PDE12: variants seen among roughly 807,000 people sequenced by gnomAD.
The protein encoded by PDE12 is phosphodiesterase 12.
A neutral mutation model predicts 45.4 loss-of-function variants in PDE12; 26 were observed. That is an observed-to-expected ratio of 0.57 (90% CI 0.42 to 0.79). The LOEUF (loss-of-function observed/expected upper bound fraction) is 0.79. PDE12 is among the 30% of genes least tolerant of loss of function. The pLI, the probability that PDE12 is intolerant of heterozygous loss-of-function variation, is 0.00. For missense variants in PDE12, 668 were observed against 790.0 expected, an observed-to-expected ratio of 0.85 and a Z score of 1.85; for synonymous variants, 283 against 323.9, an observed-to-expected ratio of 0.87 and a Z score of 1.36.
At chr3:57,567,633 A>G (rs886643018), downstream of PDE12, among the ~76,000 whole-genome samples, 2 of 152,206 alleles carry the variant, frequency 1.3e-5, no homozygotes, top group Non-Finnish European at 2.9e-5. Context: ...TAGTAGAAAT[A>G]TATTTTCCCT....
chr3:57,577,405 C>T, the PDE12 span: 1 of 1,607,756 alleles, frequency 6.2e-7, no homozygotes, highest in Non-Finnish European at 8.5e-7. Flanking sequence ...AAAATTGTTT[C>T]AGTAAATTTT....
the PDE12 span, chr3:57,584,359 T>C: frequency 4.6e-6 from 7 of 1,537,812 alleles, no homozygotes; most frequent in African/African-American, 1.4e-5. Context: ...TATCATGATA[T>C]AAAGTCATCT....
chr3:57,597,236 G>C, the PDE12 span: 1 of 1,211,494 alleles, frequency 8.3e-7, no homozygotes, highest in Non-Finnish European at 1.2e-6. Flanking sequence ...AAACGAGAGG[G>C]AAGAGAAAGA....
rs959749352 is a variant in PDE12, at chr3:57,564,768, C to G, written c.*4764C>G. ...GCAACCTCCACCTCCTGGGCTTATG[C>G]AATCCTCCCACCACAGCCTCCCCAA... On this transcript the variant is annotated 3_prime_UTR_variant, in exon 3 of 3. Transcript: ENST00000311180. 7.3e-5 allele frequency: 11 copies of G among 151,180 alleles called. No individual in the cohort carries two copies. The highest frequency in any genetic ancestry group is 2.7e-4 in the African/African-American group (11 of 41,044). The allele number at this position is 151,180 out of a possible 1,614,324, so 9.4% of individuals were successfully genotyped here. A position where few individuals can be genotyped will look rare whatever the true frequency, so the allele number is the denominator to read the frequency against.
the PDE12 span, among the ~76,000 whole-genome samples, chr3:57,580,969 G>T: frequency 6.6e-6 from 1 of 151,978 alleles, no homozygotes; most frequent in Non-Finnish European, 1.5e-5. Context: ...TTGAGAAGGA[G>T]AATTATTTTA....
At chr3:57,596,786 C>A in the PDE12 span, 1 of 355,048 alleles carries the variant, frequency 2.8e-6, no homozygotes. Flanking sequence ...TTCCCCACAT[C>A]TCTGCCCAAT....
At chr3:57,570,207 G>A (rs1313779273), downstream of PDE12, among the ~76,000 whole-genome samples, 1 of 142,970 alleles carries the variant, frequency 7.0e-6, no homozygotes, top group Non-Finnish European at 1.5e-5. Context: ...ATTTCCTTTT[G>A]GTTAATCCAG....
At chr3:57,632,720 A>G in the PDE12 span, among the ~76,000 whole-genome samples, 1 of 152,198 alleles carries the variant, frequency 6.6e-6, no homozygotes, top group Non-Finnish European at 1.5e-5. Flanking sequence ...CTATACTTTA[A>G]TATGACATCC....
At position 57,556,326 on chromosome 3, in the gene PDE12, A is replaced by C; in HGVS notation, c.-54A>C. ...GGCCTCGGCTCCTCAGCTCCACCTG[A>C]CAGTAGGCCGCTGATCGGCCGCGGG... On this transcript the variant is annotated 5_prime_UTR_variant, in exon 1 of 3. An upstream open reading frame in the 5' UTR loses its in-frame stop. Transcript: ENST00000311180. The surrounding 1 kb of genome is among the most constrained non-coding windows in gnomAD (Gnocchi z 5.0). 6.7e-7 allele frequency: 1 copy of C among 1,494,858 alleles called. No individual in the cohort carries two copies. The highest frequency in any genetic ancestry group is 8.9e-7 in the Non-Finnish European group (1 of 1,119,898). 92.6% of individuals were successfully genotyped at this position (1,494,858 alleles called of 1,614,324 possible). A position where few individuals can be genotyped will look rare whatever the true frequency, so the allele number is the denominator to read the frequency against.
the PDE12 span, chr3:57,646,277 C>CA: frequency 0.046 from 57,287 of 1,255,230 alleles, 365 homozygotes; most frequent in African/African-American, 0.06. Context: ...CTGCAGCATC[C>CA]AAAAAAAAAA....
the PDE12 span, chr3:57,645,677 T>C: frequency 2.5e-6 from 4 of 1,612,510 alleles, no homozygotes; most frequent in South Asian, 4.4e-5. Flanking sequence ...TGGGTACGGG[T>C]AGTATATTCT....
the PDE12 span, chr3:57,630,303 G>A: frequency 1.2e-6 from 1 of 855,516 alleles, no homozygotes; most frequent in Non-Finnish European, 1.7e-6. Context: ...ATCTAGAAAA[G>A]TTAGTCATCA....
At chr3:57,570,227 T>G (rs919857704), downstream of PDE12, among the ~76,000 whole-genome samples, 1 of 143,106 alleles carries the variant, frequency 7.0e-6, no homozygotes, top group Non-Finnish European at 1.5e-5. Context: ...GTGTTTTTTT[T>G]TTTTTTTTTT....
chr3:57,584,025 A>C, the PDE12 span: 6 of 1,509,400 alleles, frequency 4.0e-6, no homozygotes, highest in South Asian at 1.1e-5. Context: ...GAAAAACAAA[A>C]ATGACCGCTG....
the PDE12 span, among the ~76,000 whole-genome samples, chr3:57,581,630 G>A: frequency 6.6e-6 from 1 of 152,110 alleles, no homozygotes; most frequent in Non-Finnish European, 1.5e-5. Flanking sequence ...GTGAAACCCC[G>A]TCTCTACTAA....
chr3:57,608,070 G>A, the PDE12 span, among the ~76,000 whole-genome samples: 1 of 152,170 alleles, frequency 6.6e-6, no homozygotes, highest in Non-Finnish European at 1.5e-5. Context: ...AGAAGAGAGT[G>A]GGGGCCAATA....
the PDE12 span, among the ~76,000 whole-genome samples, chr3:57,582,967 T>C: frequency 6.6e-6 from 1 of 152,122 alleles, no homozygotes; most frequent in Non-Finnish European, 1.5e-5. Context: ...ATTTTGCAGG[T>C]GTGGAGAGAT....
Position 57,559,585 on chromosome 3 carries a change from A to C in PDE12, c.1411A>C (p.Met471Leu). 1 of 1,607,674 alleles carries C rather than the reference A, an allele frequency of 6.2e-7. No homozygotes were observed. The highest frequency in any genetic ancestry group is 8.5e-7 in the Non-Finnish European group (1 of 1,174,948). Reference protein sequence around the residue: ...PKGGYIRLIQMAVALAHIRHV... With the variant: ...PKGGYIRLIQLAVALAHIRHV... Reference sequence around the variant, plus strand: ...AGGTGGGTATATTCGCCTCATTCAAATGGCAGTAGCCTTGGCTCACATAAG... The same window carrying C: ...AGGTGGGTATATTCGCCTCATTCAACTGGCAGTAGCCTTGGCTCACATAAG... The change falls in exon 3 of 3, where the codon ATG (methionine) becomes CTG (leucine). Residue 471 changes from methionine to leucine, a missense_variant. Met to Leu is a conservative substitution (Grantham distance 15). Coordinates refer to ENST00000311180, the MANE Select transcript of PDE12 (RefSeq NM_177966.7).
chr3:57,617,357 T>C, the PDE12 span, among the ~76,000 whole-genome samples: 1 of 151,870 alleles, frequency 6.6e-6, no homozygotes, highest in African/African-American at 2.4e-5. Flanking sequence ...TGAGCTATGA[T>C]CAAGCCACTG....
Sources: allele counts gnomAD v4.1 joint callset (sites outside exome capture counted in the v4.1 genomes callset), GRCh38; gene constraint gnomAD v4.1.1; non-coding constraint Gnocchi (gnomAD v3.1); transcripts MANE v1.5; gene names NCBI Gene and HGNC (gene_info 2026-07-23, HGNC 2026-07-21).